Variants in CCN5 observed in about 807,000 individuals in gnomAD.
CCN5 encodes the protein cellular communication network factor 5.
CCN5 carries 17 observed loss-of-function variants against 18.7 expected under a neutral mutation model. The observed-to-expected ratio is 0.91, with a 90% CI of 0.62 to 1.36. The LOEUF (loss-of-function observed/expected upper bound fraction) is 1.36. CCN5 is among the 40% of genes most tolerant of loss of function. CCN5 has a pLI of 0.00. For missense variants in CCN5, 367 were observed against 342.9 expected (o/e 1.07, Z -0.56); for synonymous variants, 135 against 145.2 (o/e 0.93, Z 0.50).
chr20:44,724,676 T>G, intron 2 of CCN5, 62 bp from the exon 3 acceptor site: 1 of 1,604,308 alleles, frequency 6.2e-7, no homozygotes, highest in Non-Finnish European at 8.5e-7. Flanking sequence ...TCTGGGCAGC[T>G]CTGCAGAGAA....
At chr20:44,716,958 G>A (rs949127781) in intron 1 of CCN5, among the ~76,000 whole-genome samples, 2 of 152,188 alleles carry the variant, frequency 1.3e-5, no homozygotes, top group Non-Finnish European at 1.5e-5. Context: ...CACGTAGCAA[G>A]TCACTGGCAG....
chr20:44,715,364 A>G, upstream of CCN5: 1 of 1,589,248 alleles, frequency 6.3e-7, no homozygotes, highest in Admixed American at 1.8e-5. Context: ...TCCGCCTCCC[A>G]GGCTCAAAGC....
rs764229671 is a variant in CCN5 at position 44,727,176 on chromosome 20, T to C, written c.622T>C (p.Cys208Arg). The C allele has an allele frequency of 1.9e-6, 3 of 1,613,960 alleles. No homozygotes were observed. Among genetic ancestry groups the C allele is most frequent in the Non-Finnish European group, 2.5e-6 (3 of 1,180,014 alleles). Residue 208 changes from cysteine to arginine, a missense_variant, in exon 4 of 4, where the codon TGT becomes CGT. Transcript: ENST00000190983. ...GGCCTGGGGACCCTGCTCGACCACC[T>C]GTGGGCTGGGCATGGCCACCCGGGT... ...STAWGPCSTT[C>R]GLGMATRVSN...
rs755794445 is a variant in CCN5 at position 44,727,312 on chromosome 20, G to A, written c.*5G>A. Reference sequence around the variant, plus strand: ...CCACAAAACAGTGCCTTCTAGAGCCGGGCTGGGAATGGGGACACGGTGTCC... The same window carrying A: ...CCACAAAACAGTGCCTTCTAGAGCCAGGCTGGGAATGGGGACACGGTGTCC... On this transcript the variant is annotated 3_prime_UTR_variant, in exon 4 of 4. Coordinates refer to ENST00000190983, the MANE Select transcript of CCN5 (RefSeq NM_003881.4). 66 of 1,603,184 alleles carry A rather than the reference G, an allele frequency of 4.1e-5. No individual in the cohort carries two copies. The highest frequency in any genetic ancestry group is 5.0e-5 in the Non-Finnish European group (59 of 1,173,344).
intron 2 of CCN5, chr20:44,720,711 C>G (rs752289614): frequency 1.3e-5 from 2 of 153,488 alleles, no homozygotes; most frequent in African/African-American, 4.8e-5. Context: ...TGGGGGCCCT[C>G]GGAGCACTGC....
chr20:44,717,325 A>C (rs2065866369), intron 1 of CCN5, among the ~76,000 whole-genome samples: 1 of 152,210 alleles, frequency 6.6e-6, no homozygotes, highest in Admixed American at 6.5e-5. Context: ...TATCATTAAT[A>C]GCCTCTCCTG....
chr20:44,726,814 A>G (rs1246900863), intron 3 of CCN5, among the ~76,000 whole-genome samples: 1 of 152,060 alleles, frequency 6.6e-6, no homozygotes, highest in African/African-American at 2.4e-5. Context: ...CGAGAAAACC[A>G]TGGTTCACTG....
intron 1 of CCN5, chr20:44,716,677 A>T (rs1379621875): frequency 1.3e-5 from 2 of 152,240 alleles, no homozygotes; most frequent in African/African-American, 4.8e-5. Context: ...AAACACAGGG[A>T]CTTAGTCACC....
chr20:44,716,328 G>A (rs1310983811), intron 1 of CCN5, among the ~76,000 whole-genome samples: 1 of 152,202 alleles, frequency 6.6e-6, no homozygotes, highest in African/African-American at 2.4e-5. Flanking sequence ...CCAGAGCCAT[G>A]GAATCGGCCC....
At chr20:44,719,113 G>A (rs142782508) in intron 1 of CCN5, among the ~76,000 whole-genome samples, 4 of 152,262 alleles carry the variant, frequency 2.6e-5, no homozygotes, top group African/African-American at 9.6e-5. Context: ...TTGACTTGTT[G>A]CTTTTGCCTT....
intron 2 of CCN5, 81 bp downstream of exon 2, chr20:44,720,194 C>T (rs1323870228): frequency 3.6e-6 from 5 of 1,407,490 alleles, no homozygotes; most frequent in Non-Finnish European, 4.8e-6. Context: ...AAGTGCAGCC[C>T]TCCTCTCTCT....
Position 44,727,132 on chromosome 20 carries a change from C to G in CCN5, c.578C>G (p.Pro193Arg). 1 of 1,611,204 alleles carries G rather than the reference C, an allele frequency of 6.2e-7. No homozygotes were observed. Among genetic ancestry groups the G allele is most frequent in the Non-Finnish European group, 8.5e-7 (1 of 1,178,420 alleles). Residue 193 changes from proline to arginine, a missense_variant, in exon 4 of 4, where the codon CCC becomes CGC. Transcript: ENST00000190983. ...GLVSSLPPGV[P>R]CPEWSTAWGP... ...GTCTCTTCCCTGCCCCCTGGTGTCC[C>G]CTGCCCAGAATGGAGCACGGCCTGG...
At chr20:44,715,191 G>A, upstream of CCN5, 1 of 601,020 alleles carries the variant, frequency 1.7e-6, no homozygotes, top group South Asian at 1.9e-5. Context: ...GAGCCATGAG[G>A]ATGGGAAGCG....
At chr20:44,715,268 C>CAT (rs2065850113), upstream of CCN5, 18 of 652,174 alleles carry the variant, frequency 2.8e-5, no homozygotes, top group Middle Eastern at 4.1e-4. Flanking sequence ...TGTGAGCGCG[C>CAT]GCGCGCGCGC....
In CCN5 at chr20:44,719,994, G is replaced by C; in HGVS notation, c.158G>C (p.Cys53Ser). 6.2e-7 allele frequency: 1 copy of C among 1,612,526 alleles called. No individual in the cohort carries two copies. Among genetic ancestry groups the C allele is most frequent in the Non-Finnish European group, 8.5e-7 (1 of 1,179,816 alleles). ...VPLVLDGCGC[C>S]RVCARRLGEP... ...CTGGTGCTGGATGGCTGTGGCTGCTGCCGGGTATGTGCACGGCGGCTGGGG... is the reference window on the plus strand; with the variant it reads ...CTGGTGCTGGATGGCTGTGGCTGCTCCCGGGTATGTGCACGGCGGCTGGGG... The change falls in exon 2 of 4, where the codon TGC (cysteine) becomes TCC (serine). Residue 53 changes from cysteine (C) to serine (S), a missense_variant. By Grantham distance (112) the Cys-to-Ser change is moderately radical. Transcript: ENST00000190983.
chr20:44,716,036 C>A (rs1045958188), intron 1 of CCN5, among the ~76,000 whole-genome samples: 1 of 152,238 alleles, frequency 6.6e-6, no homozygotes, highest in African/African-American at 2.4e-5. Flanking sequence ...CCTTGTCTAA[C>A]ATGCACAACA....
At chr20:44,720,329 A>C in intron 2 of CCN5, 1 of 567,928 alleles carries the variant, frequency 1.8e-6, no homozygotes, top group Non-Finnish European at 3.1e-6. Context: ...TACCCCAATA[A>C]CCTTTCCCCA....
intron 1 of CCN5, among the ~76,000 whole-genome samples, chr20:44,717,732 T>C (rs2065869309): frequency 6.6e-6 from 1 of 151,886 alleles, no homozygotes; most frequent in African/African-American, 2.4e-5. Flanking sequence ...AAAAATTAGC[T>C]GGGCATGGTG....
At chr20:44,722,401 C>T (rs2065905832) in intron 2 of CCN5, among the ~76,000 whole-genome samples, 1 of 152,050 alleles carries the variant, frequency 6.6e-6, no homozygotes, top group African/African-American at 2.4e-5. Context: ...AGAGCACCTC[C>T]ATCCTTCTCA....
Sources: gnomAD v4.1 joint callset for allele counts (sites outside exome capture counted in the v4.1 genomes callset) on GRCh38, gnomAD v4.1.1 for gene constraint, MANE v1.5 for transcripts, NCBI Gene and HGNC (gene_info 2026-07-23, HGNC 2026-07-21) for gene names.